Variants in C7 observed in about 807,000 individuals in gnomAD.
C7 encodes the protein complement C7, also known as complement component C7.
C7 carries 83 observed loss-of-function variants against 104.8 expected under a neutral mutation model. The observed-to-expected ratio is 0.79, with a 90% CI of 0.66 to 0.95. The LOEUF (loss-of-function observed/expected upper bound fraction) is 0.95, where lower values mean the gene tolerates loss of function less well. Ranked by LOEUF, C7 falls within the 40% of genes least tolerant of loss-of-function variation. The probability of loss-of-function intolerance (pLI) is 0.00; values close to 1 mark genes in which losing one functional copy is unlikely to be tolerated. For synonymous variants in C7, 415 were observed against 360.6 expected (o/e 1.15, Z -1.71); for missense variants, 1,070 against 1,011.2 (o/e 1.06, Z -0.79).
At chr5:40,976,568 C>A in intron 15 of C7, 182 bp from the exon 16 acceptor site, 1 of 411,438 alleles carries the variant, frequency 2.4e-6, no homozygotes, top group Non-Finnish European at 4.3e-6. Context: ...TGTAATGTGA[C>A]TCTAGAAACT....
rs1257181560 is a variant in C7 at position 40,958,239 on chromosome 5, A to G, written c.1467A>G (p.Gly489=). The G allele has an allele frequency of 6.2e-7, 1 of 1,608,530 alleles. No individual in the cohort carries two copies. The highest frequency in any genetic ancestry group is 8.5e-7 in the Non-Finnish European group (1 of 1,176,684). The part of the protein sequence containing the change: ...PYTFGAACEQ[G]VLVGNQAGGV... ...CATTTGGTGCGGCGTGTGAGCAAGG[A>G]GTCCTCGTAGGGAATCAAGCAGGTC... The change falls in exon 11 of 18, where the codon GGA becomes GGG. Residue 489 remains glycine (G), a synonymous_variant. Coordinates refer to ENST00000313164, the MANE Select transcript of C7 (RefSeq NM_000587.4).
chr5:40,914,831 A>G (rs946000071), intron 1 of C7, among the ~76,000 whole-genome samples: 1 of 152,198 alleles, frequency 6.6e-6, no homozygotes, highest in Non-Finnish European at 1.5e-5. Context: ...ATGTAAAGGT[A>G]CAGACCTCCT....
intron 15 of C7, among the ~76,000 whole-genome samples, chr5:40,973,006 C>A (rs1740732837): frequency 6.6e-6 from 1 of 151,938 alleles, no homozygotes; most frequent in South Asian, 2.1e-4. Context: ...CATTTTTGGG[C>A]TTTCAAAGAG....
At chr5:40,922,102 T>C (rs7721703) in intron 1 of C7, among the ~76,000 whole-genome samples, 33,762 of 149,786 alleles carry the variant, frequency 0.23, 3,939 homozygotes, top group East Asian at 0.29. Flanking sequence ...GGAGGCCATG[T>C]GCAGTGGCTC....
chr5:40,910,650 A>C (rs1739187395), intron 1 of C7, among the ~76,000 whole-genome samples: 1 of 152,150 alleles, frequency 6.6e-6, no homozygotes, highest in Non-Finnish European at 1.5e-5. Context: ...TTATCCTAAG[A>C]AAATTAACGC....
intron 6 of C7, among the ~76,000 whole-genome samples, chr5:40,941,189 G>C (rs540060072): frequency 6.6e-6 from 1 of 151,430 alleles, no homozygotes; most frequent in African/African-American, 2.4e-5. Flanking sequence ...TCGGCCTACC[G>C]AGTAGCTGGG....
intron 6 of C7, among the ~76,000 whole-genome samples, chr5:40,938,933 C>T (rs1371998625): frequency 6.6e-6 from 1 of 152,192 alleles, no homozygotes; most frequent in Non-Finnish European, 1.5e-5. Flanking sequence ...TCTTAAAACA[C>T]TTCCACAGCC....
At chr5:40,947,350 T>A (rs529578005) in intron 7 of C7, among the ~76,000 whole-genome samples, 4 of 152,002 alleles carry the variant, frequency 2.6e-5, no homozygotes, top group Non-Finnish European at 2.9e-5. Context: ...CCTCCCAAAG[T>A]GCTGGGATTA....
intron 2 of C7, among the ~76,000 whole-genome samples, chr5:40,929,250 A>G (rs1739623545): frequency 6.6e-6 from 1 of 152,066 alleles, no homozygotes; most frequent in East Asian, 1.9e-4. Context: ...TTGCAATATG[A>G]ATGTGTTAAG....
chr5:40,912,964 T>G lies in C7; in HGVS notation c.6+3348T>G, dbSNP rs529878816. ...CACTCTTCCCCTTTCTATCCCCAAC[T>G]CTTCTGAGTCTCCAATGTCTATTAT... On this transcript the variant is annotated intron_variant, in intron 1 of 17. Coordinates refer to ENST00000313164, the MANE Select transcript of C7 (RefSeq NM_000587.4). Among the ~76,000 whole-genome samples the G allele has an allele frequency of 3.9e-3, 597 of 152,282 alleles. 6 individuals are homozygous for G. Among genetic ancestry groups the G allele is most frequent in the African/African-American group, 0.014 (564 of 41,554 alleles).
At chr5:40,966,030 C>A (rs1205705334) in intron 14 of C7, among the ~76,000 whole-genome samples, 1 of 151,810 alleles carries the variant, frequency 6.6e-6, no homozygotes, top group African/African-American at 2.4e-5. Flanking sequence ...GGAGAAATGG[C>A]TGTCTATGTC....
At chr5:40,964,551 T>C in intron 13 of C7, 190 bp from the exon 14 acceptor site, 1 of 506,764 alleles carries the variant, frequency 2.0e-6, no homozygotes, top group Non-Finnish European at 3.6e-6. Flanking sequence ...TTAATAGTTT[T>C]ATTTCAATTA....
chr5:40,927,501 AAGCTAATATCAAAAATATATATGG>A (rs1739579912), intron 1 of C7, among the ~76,000 whole-genome samples: 1 of 152,092 alleles, frequency 6.6e-6, no homozygotes, highest in Non-Finnish European at 1.5e-5. Flanking sequence ...ATTCAAGAAG[AAGCTAATATCAAAAATATATATGG>A]AGCTCAAACA....
intron 1 of C7, among the ~76,000 whole-genome samples, chr5:40,919,473 G>A (rs959671270): frequency 4.6e-5 from 7 of 151,904 alleles, no homozygotes; most frequent in Admixed American, 3.9e-4. Context: ...AATCAATTAT[G>A]GGAGGAAGCT....
At chr5:40,940,219 CCT>C (rs1739906613) in intron 6 of C7, among the ~76,000 whole-genome samples, 1 of 152,076 alleles carries the variant, frequency 6.6e-6, no homozygotes, top group Non-Finnish European at 1.5e-5. Context: ...TCTTATAATC[CCT>C]GTTTCGGTTT....
At chr5:40,936,808 G>A (rs549705030) in intron 5 of C7, among the ~76,000 whole-genome samples, 4 of 151,938 alleles carry the variant, frequency 2.6e-5, no homozygotes, top group African/African-American at 7.3e-5. Context: ...GAGAGAGAGA[G>A]AAAAAATACT....
Position 40,981,375 on chromosome 5 carries a change from T to TAA in C7, c.2351-17_2351-16insAA. ...CTCCACAATGTACCATTAAGCCTCTTTCACTTACTTTTCCAGCTGAGAGCA... is the reference window on the plus strand; with the variant it reads ...CTCCACAATGTACCATTAAGCCTCTTAATCACTTACTTTTCCAGCTGAGAGCA... On this transcript the variant is annotated splice_polypyrimidine_tract_variant and intron_variant, in intron 17 of 17. Transcript: ENST00000313164. The TAA allele has an allele frequency of 1.2e-6, 2 of 1,603,204 alleles. No individual in the cohort carries two copies. The highest frequency in any genetic ancestry group is 1.7e-6 in the Non-Finnish European group (2 of 1,174,768).
In C7 at chr5:40,928,594, C is replaced by T. The variant is rs865977092; in HGVS notation, c.21C>T (p.Phe7=). The stretch of plus-strand genomic sequence containing the variant: ...TTCTTCTCCAGGTGATAAGCTTATT[C>T]ATTTTGGTGGGATTTATAGGAGAGT... MKVISL[F]ILVGFIGEFQ... The change falls in exon 2 of 18, where the codon TTC becomes TTT. Residue 7 remains phenylalanine, a synonymous_variant. Coordinates refer to ENST00000313164, the MANE Select transcript of C7 (RefSeq NM_000587.4). 6.5e-7 allele frequency: 1 copy of T among 1,544,086 alleles called. No individual in the cohort carries two copies. Among genetic ancestry groups the T allele is most frequent in the Non-Finnish European group, 8.8e-7 (1 of 1,138,448 alleles).
chr5:40,923,352 C>T (rs894847378), intron 1 of C7, among the ~76,000 whole-genome samples: 1 of 152,198 alleles, frequency 6.6e-6, no homozygotes, highest in Admixed American at 6.5e-5. Flanking sequence ...AACATGGCAT[C>T]AACATCAGCT....
Sources: allele counts gnomAD v4.1 joint callset (sites outside exome capture counted in the v4.1 genomes callset), GRCh38; gene constraint gnomAD v4.1.1; transcripts MANE v1.5; gene names NCBI Gene and HGNC (gene_info 2026-07-23, HGNC 2026-07-21).